Variants in ATF2 observed in about 807,000 individuals in gnomAD.
The protein encoded by ATF2 is cyclic AMP-dependent transcription factor ATF-2.
A neutral mutation model predicts 60.6 loss-of-function variants in ATF2; 24 were observed. The ratio of observed to expected loss-of-function variants is 0.40; its 90% CI spans 0.29 to 0.56. The LOEUF (loss-of-function observed/expected upper bound fraction) is 0.56. Ranked by LOEUF, ATF2 falls within the 20% of genes least tolerant of loss-of-function variation. ATF2 has a pLI of 0.54. For synonymous variants in ATF2, 206 were observed against 215.4 expected (o/e 0.96, Z 0.38); for missense variants, 433 against 607.7 (o/e 0.71, Z 3.02).
intron 10 of ATF2, among the ~76,000 whole-genome samples, chr2:175,108,482 G>C (rs1386592284): frequency 2.7e-5 from 4 of 145,458 alleles, no homozygotes; most frequent in African/African-American, 1.0e-4. Context: ...GCCCCCGCCC[G>C]GCCAGCCGCC....
At chr2:175,135,678 T>C (rs1253422417) in intron 3 of ATF2, among the ~76,000 whole-genome samples, 1 of 152,138 alleles carries the variant, frequency 6.6e-6, no homozygotes, top group Non-Finnish European at 1.5e-5. Context: ...TACAACCAAA[T>C]TAAGGACCTT....
chr2:175,107,936 G>T (rs988433239), intron 10 of ATF2, among the ~76,000 whole-genome samples: 1 of 151,536 alleles, frequency 6.6e-6, no homozygotes, highest in African/African-American at 2.4e-5. Flanking sequence ...CCTCCCAGCC[G>T]CCTGCCTTGG....
At position 175,165,785 on chromosome 2, in the gene ATF2, C is replaced by T. The variant is rs372326108; in HGVS notation, c.-143+2265G>A. ...CCCAGGTTCAACAGATTCTCCGCCT[C>T]AGCCTCTCGAGTAGGTGGGACTACA... On this transcript the variant is annotated intron_variant, in intron 1 of 13. Transcript: ENST00000264110. Among the ~76,000 whole-genome samples the T allele has an allele frequency of 4.6e-5, 7 of 152,338 alleles. No homozygotes were observed. The South Asian group carries it at 8.3e-4, about 18-fold the overall frequency.
intron 4 of ATF2, among the ~76,000 whole-genome samples, chr2:175,123,094 C>T (rs1697080920): frequency 6.6e-6 from 1 of 152,012 alleles, no homozygotes; most frequent in Non-Finnish European, 1.5e-5. Flanking sequence ...CAACTATAGG[C>T]AGTAGGACCA....
chr2:175,112,961 G>T (rs558512811), intron 9 of ATF2, among the ~76,000 whole-genome samples: 1 of 152,170 alleles, frequency 6.6e-6, no homozygotes, highest in East Asian at 1.9e-4. Flanking sequence ...GAAGGTAAAA[G>T]AAAAAACTAT....
intron 3 of ATF2, among the ~76,000 whole-genome samples, 156 bp from the exon 4 acceptor site, chr2:175,130,363 T>C (rs1439606814): frequency 6.6e-6 from 1 of 152,108 alleles, no homozygotes; most frequent in Admixed American, 6.5e-5. Context: ...TTTCTTATTA[T>C]GAGAGTAGAT....
intron 3 of ATF2, chr2:175,132,667 T>C (rs1697819913): frequency 6.6e-6 from 1 of 152,242 alleles, no homozygotes; most frequent in African/African-American, 2.4e-5. Flanking sequence ...TAGGTACTAA[T>C]TCTTCCTTAA....
At chr2:175,145,585 T>C (rs1015030080) in intron 2 of ATF2, among the ~76,000 whole-genome samples, 34 of 152,182 alleles carry the variant, frequency 2.2e-4, no homozygotes, top group Non-Finnish European at 7.3e-5. Flanking sequence ...GGTATTTCTT[T>C]ATAGCAATGC....
At chr2:175,098,561 A>T (rs1695097794) in intron 10 of ATF2, among the ~76,000 whole-genome samples, 1 of 152,178 alleles carries the variant, frequency 6.6e-6, no homozygotes, top group South Asian at 2.1e-4. Context: ...CAAAAGAGAG[A>T]TAGAGATGTG....
chr2:175,075,054 A>G lies in ATF2; in HGVS notation c.1292-219T>C, dbSNP rs1439754115. 4 of 1,412,972 alleles carry G rather than the reference A, an allele frequency of 2.8e-6. No homozygotes were observed. In the African/African-American group the frequency reaches 5.8e-5, roughly 20 times the overall value. The allele number at this position is 1,412,972 out of a possible 1,614,324, so 87.5% of individuals were successfully genotyped here. ...TGCATATGGAAACATCTGGGTGCCCACTGCCTTATGGAATAGAGCTGAAGA... is the reference window on the plus strand; with the variant it reads ...TGCATATGGAAACATCTGGGTGCCCGCTGCCTTATGGAATAGAGCTGAAGA... On this transcript the variant is annotated intron_variant, in intron 13 of 13. Coordinates refer to ENST00000264110, the MANE Select transcript of ATF2 (RefSeq NM_001880.4).
At chr2:175,141,060 T>TATATATATGTATAC (rs1445235585) in intron 2 of ATF2, among the ~76,000 whole-genome samples, 1 of 128,246 alleles carries the variant, frequency 7.8e-6, no homozygotes, top group African/African-American at 3.0e-5. Flanking sequence ...TATGTATATA[T>TATATATATGTATAC]ATATGTGTGT....
chr2:175,109,168 TAAA>T (rs66812318), intron 10 of ATF2, among the ~76,000 whole-genome samples: 3,258 of 82,636 alleles, frequency 0.039, 44 homozygotes, highest in African/African-American at 0.14. Flanking sequence ...GAATGATCAA[TAAA>T]AAAAAAAAAA....
intron 2 of ATF2, among the ~76,000 whole-genome samples, chr2:175,144,544 TAAAAG>T (rs1698815666): frequency 6.6e-6 from 1 of 152,168 alleles, no homozygotes; most frequent in Non-Finnish European, 1.5e-5. Flanking sequence ...AAAATTCACA[TAAAAG>T]TTAAGCCACC....
intron 13 of ATF2, among the ~76,000 whole-genome samples, chr2:175,078,729 G>A (rs1693550740): frequency 1.3e-5 from 2 of 152,266 alleles, no homozygotes; most frequent in South Asian, 2.1e-4. Context: ...AGCAAGAGCT[G>A]TGTGCTACAA....
chr2:175,105,645 T>C (rs1349052867), intron 10 of ATF2, among the ~76,000 whole-genome samples: 3 of 152,178 alleles, frequency 2.0e-5, no homozygotes, highest in Admixed American at 1.3e-4. Flanking sequence ...AGAATTCCCT[T>C]ATCCAGTACA....
chr2:175,114,892 G>A (rs535446429), intron 7 of ATF2, 24 bp from the exon 8 acceptor site: 4 of 1,600,396 alleles, frequency 2.5e-6, no homozygotes. Flanking sequence ...AGATAAAAAA[G>A]GGTGGCATTT....
intron 1 of ATF2, among the ~76,000 whole-genome samples, chr2:175,159,790 A>C (rs1447982685): frequency 6.6e-6 from 1 of 152,244 alleles, no homozygotes; most frequent in Non-Finnish European, 1.5e-5. Context: ...ACATAAATAC[A>C]AAAAATTTAC....
intron 1 of ATF2, among the ~76,000 whole-genome samples, chr2:175,154,251 A>ATTT (rs1553515967): frequency 5.4e-5 from 8 of 148,892 alleles, no homozygotes; most frequent in Admixed American, 2.0e-4. Flanking sequence ...ATATATATAT[A>ATTT]TTTTTTACTT....
At chr2:175,087,640 TTTC>T (rs1694260424) in intron 12 of ATF2, among the ~76,000 whole-genome samples, 2 of 152,316 alleles carry the variant, frequency 1.3e-5, no homozygotes, top group Admixed American at 1.3e-4. Flanking sequence ...GTATGAATAG[TTTC>T]TTATTTTGCG....
Sources: allele counts gnomAD v4.1 joint callset (sites outside exome capture counted in the v4.1 genomes callset), GRCh38; gene constraint gnomAD v4.1.1; transcripts MANE v1.5; gene names NCBI Gene and HGNC (gene_info 2026-07-23, HGNC 2026-07-21).